Variants in RBFOX1 observed in about 807,000 individuals in gnomAD.
RBFOX1 encodes the protein RNA binding protein fox-1 homolog 1.
In RBFOX1, 8 loss-of-function variants were observed where a neutral mutation model predicts 57.7. The observed-to-expected ratio is 0.14, with a 90% confidence interval of 0.08 to 0.25. The LOEUF (loss-of-function observed/expected upper bound fraction) is 0.25. Ranked by LOEUF, RBFOX1 falls within the 10% of genes least tolerant of loss-of-function variation. The pLI, the probability that RBFOX1 is intolerant of heterozygous loss-of-function variation, is 1.00. For missense variants in RBFOX1, 611 were observed against 548.5 expected, an observed-to-expected ratio of 1.11 and a Z score of -1.14; for synonymous variants, 326 against 222.4, an observed-to-expected ratio of 1.47 and a Z score of -4.15.
At chr16:6,007,855 A>T (rs2094936461) in intron 4 of RBFOX1, among the ~76,000 whole-genome samples, 1 of 152,210 alleles carries the variant, frequency 6.6e-6, no homozygotes, top group Non-Finnish European at 1.5e-5. Context: ...GACATTGATG[A>T]CATCTGTAGG....
chr16:6,100,994 G>T (rs1414729488), intron 1 of RBFOX1, among the ~76,000 whole-genome samples: 1 of 152,072 alleles, frequency 6.6e-6, no homozygotes, highest in East Asian at 1.9e-4. Context: ...TATTCTAAAG[G>T]TACAGGTTCC....
At chr16:6,792,043 A>C (rs1172867771) in intron 3 of RBFOX1, among the ~76,000 whole-genome samples, 1 of 152,166 alleles carries the variant, frequency 6.6e-6, no homozygotes, top group Non-Finnish European at 1.5e-5. Context: ...TTTTACCCTG[A>C]ATTGCGTTTC....
intron 14 of RBFOX1, among the ~76,000 whole-genome samples, chr16:7,707,148 T>A (rs2082723425): frequency 6.6e-6 from 1 of 152,178 alleles, no homozygotes; most frequent in South Asian, 2.1e-4. Flanking sequence ...GAAAGCCTCA[T>A]CTAGATTATT....
chr16:6,876,933 C>T (rs2061956924), intron 3 of RBFOX1, among the ~76,000 whole-genome samples: 1 of 152,058 alleles, frequency 6.6e-6, no homozygotes, highest in Non-Finnish European at 1.5e-5. Flanking sequence ...GACCTTTTTT[C>T]AAGTTTCTCA....
intron 4 of RBFOX1, among the ~76,000 whole-genome samples, chr16:5,895,157 G>C (rs1055263938): frequency 6.6e-6 from 1 of 152,182 alleles, no homozygotes; most frequent in Admixed American, 6.5e-5. Flanking sequence ...CCATAAGATT[G>C]TCCATATCAA....
At chr16:6,732,813 T>G (rs909081520) in intron 3 of RBFOX1, among the ~76,000 whole-genome samples, 2 of 152,212 alleles carry the variant, frequency 1.3e-5, no homozygotes, top group Admixed American at 1.3e-4. Flanking sequence ...GGTGGAGTTT[T>G]TTTGTTCATG....
intron 2 of RBFOX1, among the ~76,000 whole-genome samples, chr16:6,347,191 C>T (rs2085512599): frequency 6.6e-6 from 1 of 152,116 alleles, no homozygotes; most frequent in Admixed American, 6.5e-5. Flanking sequence ...ACTTTCTGGC[C>T]AAGAGTTTCC....
chr16:5,424,859 C>CTTTCTTTTTT (rs1567489299), intron 1 of RBFOX1, among the ~76,000 whole-genome samples: 10 of 143,114 alleles, frequency 7.0e-5, no homozygotes, highest in African/African-American at 2.8e-4. Flanking sequence ...CTCTCTCTCT[C>CTTTCTTTTTT]TTCTTTCTTT....
intron 2 of RBFOX1, among the ~76,000 whole-genome samples, chr16:5,578,846 T>TCCC (rs2046561595): frequency 3.9e-5 from 3 of 76,712 alleles, no homozygotes; most frequent in African/African-American, 1.6e-4. Flanking sequence ...CACACACCCT[T>TCCC]TTTTTTTTTT....
intron 2 of RBFOX1, among the ~76,000 whole-genome samples, chr16:6,646,529 G>A (rs1309150913): frequency 1.3e-5 from 2 of 152,140 alleles, no homozygotes; most frequent in East Asian, 1.9e-4. Flanking sequence ...TATTGATTTC[G>A]TTAGTTCGTT....
intron 4 of RBFOX1, among the ~76,000 whole-genome samples, chr16:5,996,568 T>C (rs529189744): frequency 1.4e-4 from 22 of 152,138 alleles, no homozygotes; most frequent in Admixed American, 1.4e-3. Context: ...AGGGGGCTAT[T>C]TGCAAAACAT....
chr16:5,430,057 C>T (rs2151510039), intron 1 of RBFOX1, among the ~76,000 whole-genome samples: 1 of 152,316 alleles, frequency 6.6e-6, no homozygotes, highest in Non-Finnish European at 1.5e-5. Context: ...TTCAAGCATA[C>T]ATTCACTCAT....
intron 1 of RBFOX1, among the ~76,000 whole-genome samples, chr16:5,256,915 CA>C (rs952164337): frequency 4.0e-5 from 6 of 151,404 alleles, no homozygotes; most frequent in Admixed American, 3.9e-4. Flanking sequence ...GCCTGAGTGA[CA>C]GAGTGAGGCT....
intron 2 of RBFOX1, among the ~76,000 whole-genome samples, chr16:6,634,678 G>T (rs2098416719): frequency 2.0e-5 from 1 of 49,732 alleles, no homozygotes; most frequent in Non-Finnish European, 5.6e-5. Flanking sequence ...ATGTAAATAT[G>T]TACATATATA....
intron 1 of RBFOX1, among the ~76,000 whole-genome samples, chr16:6,243,269 T>A (rs752001779): frequency 3.5e-4 from 54 of 152,184 alleles, no homozygotes; most frequent in Non-Finnish European, 7.2e-4. Context: ...CATCTTCACA[T>A]CTTTGAAGAG....
In RBFOX1 at chr16:6,661,289, C is replaced by G. The variant is rs1026493259; in HGVS notation, c.-16+6639C>G. Among the ~76,000 whole-genome samples, 8 of 152,148 alleles carry G rather than the reference C, an allele frequency of 5.3e-5. No individual in the cohort carries two copies. The East Asian group carries it at 5.8e-4, about 11-fold the overall frequency. ...AGAAAGAGCTCCCATGTGCCTAATTCCAGGCTCTGTCGGTCTATGAAAGGC... is the reference window on the plus strand; with the variant it reads ...AGAAAGAGCTCCCATGTGCCTAATTGCAGGCTCTGTCGGTCTATGAAAGGC... On this transcript the variant is annotated intron_variant, in intron 3 of 15. Coordinates refer to ENST00000550418, the MANE Select transcript of RBFOX1 (RefSeq NM_018723.4).
In RBFOX1 at chr16:6,825,758, G is replaced by A. The variant is rs529014634; in HGVS notation, c.-16+171108G>A. ...AGTCGATGCCAGGGACACGTGTAACGGGGTCCTGAAGACACGCAGCTAATG... is the reference window on the plus strand; with the variant it reads ...AGTCGATGCCAGGGACACGTGTAACAGGGTCCTGAAGACACGCAGCTAATG... On this transcript the variant is annotated intron_variant, in intron 3 of 15. Coordinates refer to ENST00000550418, the MANE Select transcript of RBFOX1 (RefSeq NM_018723.4). 3.3e-3 allele frequency among the ~76,000 whole-genome samples: 505 copies of A among 152,214 alleles called. 2 individuals are homozygous for A. Among genetic ancestry groups the A allele is most frequent in the African/African-American group, 0.012 (481 of 41,532 alleles).
In RBFOX1 at chr16:5,801,517, A is replaced by T. The variant is rs371071490; in HGVS notation, c.319-65786A>T. Among the ~76,000 whole-genome samples the T allele has an allele frequency of 2.0e-4, 30 of 152,274 alleles. 2 individuals are homozygous for T. The highest frequency in any genetic ancestry group is 1.4e-3 in the Admixed American group (22 of 15,300). On this transcript the variant is annotated intron_variant, in intron 3 of 19. Transcript: ENST00000641259. ...GGGCAGTTACTTGAAAAGCAGAGAC[A>T]TATGTGTCTCGACACAGGCGCGGGA...
At chr16:7,157,277 A>C (rs1187422665) in intron 4 of RBFOX1, among the ~76,000 whole-genome samples, 2 of 152,220 alleles carry the variant, frequency 1.3e-5, no homozygotes, top group Non-Finnish European at 2.9e-5. Context: ...AATGGGAAGA[A>C]GACCATATGC....
Sources: gnomAD v4.1 joint callset for allele counts (sites outside exome capture counted in the v4.1 genomes callset) on GRCh38, gnomAD v4.1.1 for gene constraint, MANE v1.5 for transcripts, NCBI Gene and HGNC (gene_info 2026-07-23, HGNC 2026-07-21) for gene names.